Variants in THSD4 observed in about 807,000 individuals in gnomAD.
The protein encoded by THSD4 is thrombospondin type 1 domain containing 4.
THSD4 carries 69 observed loss-of-function variants against 119.0 expected under a neutral mutation model. The ratio of observed to expected loss-of-function variants is 0.58; its 90% confidence interval spans 0.48 to 0.71. The LOEUF (loss-of-function observed/expected upper bound fraction) is 0.71. THSD4 is among the 30% of genes least tolerant of loss of function. THSD4 has a pLI of 0.00. For missense variants in THSD4, 1,393 were observed against 1,391.1 expected (o/e 1.00, Z -0.02); for synonymous variants, 524 against 540.4 (o/e 0.97, Z 0.42).
intron 1 of THSD4, among the ~76,000 whole-genome samples, chr15:71,120,300 G>A (rs1321605678): frequency 6.6e-6 from 1 of 152,108 alleles, no homozygotes; most frequent in Non-Finnish European, 1.5e-5. Context: ...GCAGTTTTGT[G>A]TATTGATGCG....
Position 71,531,615 on chromosome 15 carries a change from C to T in THSD4, c.1152+119792C>T, listed in dbSNP as rs868238123. On this transcript the variant is annotated intron_variant, in intron 7 of 17. Coordinates refer to ENST00000261862, the MANE Select transcript of THSD4 (RefSeq NM_024817.3). ...GAGCAAGTCACTTAACTTTTCCAAG[C>T]CTTGACCTGACCTGTCCACTGGGCA... Among the ~76,000 whole-genome samples, 7 of 152,204 alleles carry T rather than the reference C, an allele frequency of 4.6e-5. No homozygotes were observed. The South Asian group carries it at 1.0e-3, about 23-fold the overall frequency.
At chr15:71,336,240 G>A (rs1220944396) in intron 6 of THSD4, among the ~76,000 whole-genome samples, 4 of 152,202 alleles carry the variant, frequency 2.6e-5, no homozygotes, top group Non-Finnish European at 4.4e-5. Flanking sequence ...TACAACCTTG[G>A]TCTGAGTGGT....
At chr15:71,256,833 G>A (rs953718040) in intron 6 of THSD4, 118 bp downstream of exon 6, 3 of 875,558 alleles carry the variant, frequency 3.4e-6, no homozygotes, top group Admixed American at 5.1e-5. Flanking sequence ...CAATAGGGGA[G>A]AAAGTGTGAC....
intron 3 of THSD4, among the ~76,000 whole-genome samples, chr15:71,164,038 T>C (rs1010060828): frequency 2.6e-5 from 4 of 152,098 alleles, no homozygotes; most frequent in African/African-American, 7.2e-5. Context: ...TTTGAGTAGA[T>C]TGATTACTCT....
chr15:71,718,304 C>A (rs1432095710), intron 8 of THSD4, among the ~76,000 whole-genome samples: 1 of 152,094 alleles, frequency 6.6e-6, no homozygotes, highest in African/African-American at 2.4e-5. Flanking sequence ...GACCCATTGA[C>A]AAAATTAGCC....
intron 1 of THSD4, among the ~76,000 whole-genome samples, chr15:71,135,184 A>T (rs866645675): frequency 0.017 from 1,977 of 116,552 alleles, 59 homozygotes; most frequent in African/African-American, 0.063. Flanking sequence ...ACATGGTCAC[A>T]GGAAGGGGAA....
intron 7 of THSD4, among the ~76,000 whole-genome samples, chr15:71,530,711 A>G (rs1025673689): frequency 3.9e-5 from 6 of 152,006 alleles, no homozygotes; most frequent in African/African-American, 1.5e-4. Flanking sequence ...CCCTGAAGAG[A>G]TGTATCCCTT....
At chr15:71,680,992 C>G (rs960115142) in intron 8 of THSD4, among the ~76,000 whole-genome samples, 1 of 149,088 alleles carries the variant, frequency 6.7e-6, no homozygotes, top group African/African-American at 2.5e-5. Context: ...GATCTCAGCT[C>G]ACTGCAACCT....
At chr15:71,532,263 T>TGAGAGAGAGAGAGAGAGAGA (rs112859786) in intron 7 of THSD4, among the ~76,000 whole-genome samples, 779 of 71,172 alleles carry the variant, frequency 0.011, 37 homozygotes, top group South Asian at 0.031. Context: ...CAACAAAGGG[T>TGAGAGAGAGAGAGAGAGAGA]GAGAGAGAGA....
chr15:71,281,923 A>G (rs1230136156), intron 6 of THSD4, among the ~76,000 whole-genome samples: 1 of 152,228 alleles, frequency 6.6e-6, no homozygotes, highest in Non-Finnish European at 1.5e-5. Flanking sequence ...CTCATGTAGT[A>G]TAACCATTAA....
intron 6 of THSD4, among the ~76,000 whole-genome samples, chr15:71,263,019 G>A (rs2044419094): frequency 6.6e-6 from 1 of 151,796 alleles, no homozygotes; most frequent in Admixed American, 6.6e-5. Context: ...TATTACATAG[G>A]CAAACGTGTC....
chr15:71,609,184 A>G (rs1480327099), intron 7 of THSD4, among the ~76,000 whole-genome samples: 5 of 152,170 alleles, frequency 3.3e-5, no homozygotes, highest in Non-Finnish European at 7.3e-5. Context: ...AAGACAGGGG[A>G]AAAAAAGAAT....
At chr15:71,114,155 G>A (rs2040330832), upstream of THSD4, among the ~76,000 whole-genome samples, 2 of 152,128 alleles carry the variant, frequency 1.3e-5, no homozygotes, top group African/African-American at 4.8e-5. Flanking sequence ...CGGGCCAGTA[G>A]TCGGTGCTCA....
chr15:71,641,054 C>T (rs781058536), intron 7 of THSD4, among the ~76,000 whole-genome samples: 23 of 151,882 alleles, frequency 1.5e-4, no homozygotes, highest in Admixed American at 5.9e-4. Flanking sequence ...TGAATGACTC[C>T]GGTGGTGAAG....
chr15:71,647,914 G>A (rs1489984792), intron 7 of THSD4, among the ~76,000 whole-genome samples: 1 of 152,218 alleles, frequency 6.6e-6, no homozygotes, highest in Non-Finnish European at 1.5e-5. Context: ...CGGATTGGGA[G>A]TAAAGCCTGT....
At chr15:71,183,384 A>G (rs989467058) in intron 3 of THSD4, among the ~76,000 whole-genome samples, 1 of 151,736 alleles carries the variant, frequency 6.6e-6, no homozygotes, top group Non-Finnish European at 1.5e-5. Flanking sequence ...GCGAAACCAT[A>G]GCAGACTCTG....
intron 6 of THSD4, among the ~76,000 whole-genome samples, chr15:71,410,479 A>G (rs1384277960): frequency 6.6e-6 from 1 of 152,200 alleles, no homozygotes; most frequent in Non-Finnish European, 1.5e-5. Context: ...AGCAACGGCT[A>G]GAGAGAGGGA....
chr15:71,706,284 AG>A (rs2052390580), intron 8 of THSD4, among the ~76,000 whole-genome samples: 1 of 152,160 alleles, frequency 6.6e-6, no homozygotes, highest in Non-Finnish European at 1.5e-5. Flanking sequence ...AAGAAGAGCC[AG>A]GGGAACCCAG....
chr15:71,431,892 T>A (rs1056613696), intron 7 of THSD4, among the ~76,000 whole-genome samples: 1 of 152,166 alleles, frequency 6.6e-6, no homozygotes, highest in Non-Finnish European at 1.5e-5. Flanking sequence ...AGTGAGCACA[T>A]ATTCTTACAC....
Sources: gnomAD v4.1 joint callset for allele counts (sites outside exome capture counted in the v4.1 genomes callset) on GRCh38, gnomAD v4.1.1 for gene constraint, MANE v1.5 for transcripts, NCBI Gene and HGNC (gene_info 2026-07-23, HGNC 2026-07-21) for gene names.